Variants in C1orf159 observed in about 807,000 individuals in gnomAD.
C1orf159 encodes uncharacterized protein C1orf159.
In C1orf159, 19 loss-of-function variants were observed where a neutral mutation model predicts 25.6. The observed-to-expected ratio is 0.74, with a 90% CI of 0.52 to 1.09. C1orf159 has a LOEUF of 1.09. C1orf159 is among the 50% of genes least tolerant of loss of function. The pLI, the probability that C1orf159 is intolerant of heterozygous loss-of-function variation, is 0.00. For synonymous variants in C1orf159, 139 were observed against 124.7 expected, an observed-to-expected ratio of 1.12 and a Z score of -0.77; for missense variants, 274 against 290.6, an observed-to-expected ratio of 0.94 and a Z score of 0.42.
chr1:1,100,704 TA>T (rs1646089308), intron 1 of C1orf159, among the ~76,000 whole-genome samples: 1 of 152,234 alleles, frequency 6.6e-6, no homozygotes, highest in Non-Finnish European at 1.5e-5. Flanking sequence ...TTTGAAGTTT[TA>T]AAAATTCCTT....
Position 1,109,170 on chromosome 1 carries a change from C to T in C1orf159, c.-136+6890G>A, listed in dbSNP as rs183567926. On this transcript the variant is annotated intron_variant, in intron 1 of 9. Transcript: ENST00000421241. ...GATGAATGGATAAACAAAAGGTGGT[C>T]TATACAGACCGTGGAATATTCTACA... is the stretch of plus-strand genomic sequence containing the variant. 1.8e-3 allele frequency among the ~76,000 whole-genome samples: 276 copies of T among 152,244 alleles called. 1 individual carries two copies. Among genetic ancestry groups the T allele is most frequent in the Admixed American group, 3.6e-3 (55 of 15,290 alleles).
In C1orf159 at chr1:1,110,844, G is replaced by A. The variant is rs1010038926; in HGVS notation, c.-136+5216C>T. Reference sequence around the variant, plus strand: ...AGGAAGCTCAACAACAGTTCTCTGCGTGAGCCGTGGCAGACGCAAAACCGC... The same window carrying A: ...AGGAAGCTCAACAACAGTTCTCTGCATGAGCCGTGGCAGACGCAAAACCGC... On this transcript the variant is annotated intron_variant, in intron 1 of 9. Transcript: ENST00000421241. This position sits in a 1 kb window ranked among gnomAD's most constrained non-coding sequence, Gnocchi z 4.8. Among the ~76,000 whole-genome samples, 3 of 152,186 alleles carry A rather than the reference G, an allele frequency of 2.0e-5. No homozygotes were observed. The highest frequency in any genetic ancestry group is 2.9e-5 in the Non-Finnish European group (2 of 68,030).
chr1:1,090,229 T>C, intron 4 of C1orf159, 124 bp downstream of exon 4: 1 of 998,156 alleles, frequency 1.0e-6, no homozygotes, highest in Admixed American at 2.1e-5. Flanking sequence ...CACTGCCCCA[T>C]CCACTCCCCA....
At chr1:1,091,259 T>C (rs760601911) in intron 3 of C1orf159, 2 of 654,768 alleles carry the variant, frequency 3.1e-6, no homozygotes, top group Non-Finnish European at 5.3e-6. Context: ...GACCCAGCCA[T>C]TCCTGAGCAG....
intron 3 of C1orf159, chr1:1,091,070 G>C: frequency 8.6e-7 from 1 of 1,156,364 alleles, no homozygotes; most frequent in Non-Finnish European, 1.2e-6. Context: ...CCCAGGTCCG[G>C]TCCCTCAAAC....
intron 3 of C1orf159, 134 bp from the exon 4 acceptor site, chr1:1,090,562 C>T (rs536258161): frequency 8.6e-5 from 83 of 959,640 alleles, no homozygotes; most frequent in Middle Eastern, 5.8e-4. Flanking sequence ...GAGTCAGCAT[C>T]GGGTGGCCCT....
At chr1:1,090,222 T>C in intron 4 of C1orf159, 131 bp downstream of exon 4, 1 of 942,998 alleles carries the variant, frequency 1.1e-6, no homozygotes. Flanking sequence ...CAGCCCTCAC[T>C]GCCCCATCCA....
At chr1:1,096,249 A>G (rs1040016303) in intron 1 of C1orf159, among the ~76,000 whole-genome samples, 18 of 152,142 alleles carry the variant, frequency 1.2e-4, no homozygotes, top group Non-Finnish European at 2.4e-4. Context: ...GCTGGAGTGT[A>G]GTGGTGCGAT....
At chr1:1,101,579 T>C (rs11579015) in intron 1 of C1orf159, among the ~76,000 whole-genome samples, 18,072 of 152,046 alleles carry the variant, frequency 0.12, 1,174 homozygotes, top group East Asian at 0.21. Context: ...TCAGGGTCCA[T>C]TGGCTCACAT....
chr1:1,115,206 A>G (rs1344035216), intron 1 of C1orf159: 6 of 152,186 alleles, frequency 3.9e-5, no homozygotes, highest in Non-Finnish European at 7.3e-5. Flanking sequence ...AAACGCGGTA[A>G]GAAATGCCCC....
rs540853563 is a variant in C1orf159 at position 1,100,925 on chromosome 1, G to A, written c.-135-8822C>T. Among the ~76,000 whole-genome samples, 3 of 152,230 alleles carry A rather than the reference G, an allele frequency of 2.0e-5. No individual in the cohort carries two copies. In the East Asian group the frequency reaches 5.8e-4, roughly 29 times the overall value. On this transcript the variant is annotated intron_variant, in intron 1 of 9. Transcript: ENST00000421241. ...TCTTCACGTTGTGGCTGTCATATCT[G>A]CATACATTATAAACCCAAGAGATGT...
intron 1 of C1orf159, among the ~76,000 whole-genome samples, chr1:1,111,365 CAAAAAAAA>C (rs35082223): frequency 1.8e-5 from 2 of 109,094 alleles, no homozygotes; most frequent in South Asian, 3.0e-4. Flanking sequence ...TCATCTCTAC[CAAAAAAAA>C]AAAAAAAAAA....
chr1:1,112,232 G>C (rs532458363), intron 1 of C1orf159, among the ~76,000 whole-genome samples: 1 of 152,244 alleles, frequency 6.6e-6, no homozygotes, highest in African/African-American at 2.4e-5. Flanking sequence ...GCAGCTTCCC[G>C]ATACGATCTC....
intron 1 of C1orf159, among the ~76,000 whole-genome samples, chr1:1,097,734 C>CT (rs923429141): frequency 2.0e-5 from 3 of 151,902 alleles, no homozygotes; most frequent in Admixed American, 1.3e-4. Flanking sequence ...GCTCTTTCTT[C>CT]TTTCTTAAAA....
At chr1:1,101,371 T>C (rs968939961) in intron 1 of C1orf159, among the ~76,000 whole-genome samples, 3 of 152,170 alleles carry the variant, frequency 2.0e-5, no homozygotes, top group Non-Finnish European at 4.4e-5. Flanking sequence ...TAGTCCCAGC[T>C]ACTTGGGAGG....
intron 1 of C1orf159, among the ~76,000 whole-genome samples, chr1:1,093,051 A>G (rs1320330012): frequency 6.6e-6 from 1 of 151,624 alleles, no homozygotes; most frequent in Non-Finnish European, 1.5e-5. Context: ...AAAAAAAAGC[A>G]TGCTCTCCTC....
chr1:1,083,206 C>T (rs1224572933), intron 9 of C1orf159: 5 of 535,308 alleles, frequency 9.3e-6, no homozygotes, highest in Non-Finnish European at 1.6e-5. Context: ...CCGGCTGTGT[C>T]CTCTCATTTA....
At position 1,110,142 on chromosome 1, in the gene C1orf159, CAG is replaced by C. The variant is rs1435210521; in HGVS notation, c.-136+5916_-136+5917del. On this transcript the variant is annotated intron_variant, in intron 1 of 9. Transcript: ENST00000421241. The surrounding 1 kb of genome is among the most constrained non-coding windows in gnomAD (Gnocchi z 4.8). ...ATTATAACTCGGCGTCTTATTGCCG[CAG>C]AGTCTGTCAGTCTCGTGATCTCCAC... 6.6e-6 allele frequency among the ~76,000 whole-genome samples: 1 copy of C among 152,310 alleles called. No homozygotes were observed. The highest frequency in any genetic ancestry group is 6.5e-5 in the Admixed American group (1 of 15,304).
intron 1 of C1orf159, chr1:1,092,888 A>G (rs1645961537): frequency 6.6e-6 from 1 of 152,242 alleles, no homozygotes; most frequent in Admixed American, 6.5e-5. Context: ...CCGTCTTTAC[A>G]AAAAGTTTAA....
Sources: gnomAD v4.1 joint callset for allele counts (sites outside exome capture counted in the v4.1 genomes callset) on GRCh38, gnomAD v4.1.1 for gene constraint, Gnocchi (gnomAD v3.1) non-coding constraint, MANE v1.5 for transcripts, NCBI Gene and HGNC (gene_info 2026-07-23, HGNC 2026-07-21) for gene names.